The following CRADD variants were observed in gnomAD, a reference collection of about 807,000 sequenced individuals.
CRADD encodes death domain-containing protein CRADD.
A neutral mutation model predicts 15.5 loss-of-function variants in CRADD; 9 were observed. The ratio of observed to expected loss-of-function variants is 0.58; its 90% CI spans 0.35 to 1.01. The LOEUF (loss-of-function observed/expected upper bound fraction) is 1.01, where lower values mean the gene tolerates loss of function less well. Among genes scored for constraint, CRADD ranks in the 50% least tolerant of loss-of-function variants. CRADD has a pLI of 0.02. For synonymous variants in CRADD, 118 were observed against 107.6 expected (o/e 1.10, Z -0.60); for missense variants, 227 against 250.3 (o/e 0.91, Z 0.63).
chr12:93,727,016 T>C (rs1956380063), intron 2 of CRADD, among the ~76,000 whole-genome samples: 1 of 152,254 alleles, frequency 6.6e-6, no homozygotes, highest in African/African-American at 2.4e-5. Context: ...TTTTATTTTA[T>C]GATTGCATCT....
At chr12:93,699,289 G>C (rs1048148567) in intron 2 of CRADD, among the ~76,000 whole-genome samples, 7 of 152,152 alleles carry the variant, frequency 4.6e-5, no homozygotes, top group African/African-American at 1.7e-4. Context: ...TGTCATACCA[G>C]GGCCATTGAA....
intron 2 of CRADD, among the ~76,000 whole-genome samples, chr12:93,700,705 C>T (rs1955824992): frequency 6.6e-6 from 1 of 152,212 alleles, no homozygotes; most frequent in African/African-American, 2.4e-5. Context: ...GCTTGGATTA[C>T]AGGTGTGAGC....
intron 2 of CRADD, among the ~76,000 whole-genome samples, chr12:93,774,543 G>A (rs1957121451): frequency 6.6e-6 from 1 of 152,172 alleles, no homozygotes; most frequent in African/African-American, 2.4e-5. Flanking sequence ...CTTTTGGAAT[G>A]TGAAGATGGG....
chr12:93,687,035 G>T (rs1017136845), intron 2 of CRADD, among the ~76,000 whole-genome samples: 3 of 152,012 alleles, frequency 2.0e-5, no homozygotes, highest in Non-Finnish European at 4.4e-5. Flanking sequence ...AAAAGGAAAT[G>T]ATGATCGTTC....
At chr12:93,794,181 C>T (rs1957385203) in intron 2 of CRADD, among the ~76,000 whole-genome samples, 1 of 152,112 alleles carries the variant, frequency 6.6e-6, no homozygotes, top group Non-Finnish European at 1.5e-5. Flanking sequence ...AACAGCTGAC[C>T]TCTAGCTGTT....
chr12:93,820,025 A>G (rs568029086), intron 2 of CRADD, among the ~76,000 whole-genome samples: 1 of 152,274 alleles, frequency 6.6e-6, no homozygotes, highest in South Asian at 2.1e-4. Flanking sequence ...CTCCTCCTTC[A>G]GTCTTTTCCA....
At chr12:93,789,879 G>A (rs903785891) in intron 2 of CRADD, among the ~76,000 whole-genome samples, 9 of 152,166 alleles carry the variant, frequency 5.9e-5, no homozygotes, top group African/African-American at 2.2e-4. Context: ...CACAGTCTAA[G>A]TTATTCTCTG....
chr12:93,852,855 G>A (rs1958240098), downstream of CRADD, among the ~76,000 whole-genome samples: 1 of 151,974 alleles, frequency 6.6e-6, no homozygotes, highest in South Asian at 2.1e-4. Context: ...GTGTGTGTGT[G>A]TGTGTGTGTG....
chr12:93,790,340 T>G (rs1333827330), intron 2 of CRADD, among the ~76,000 whole-genome samples: 1 of 152,062 alleles, frequency 6.6e-6, no homozygotes, highest in Non-Finnish European at 1.5e-5. Context: ...AGGGATAGCT[T>G]TAGGAAATAT....
chr12:93,685,127 A>G (rs903261339), intron 2 of CRADD, among the ~76,000 whole-genome samples: 3 of 152,252 alleles, frequency 2.0e-5, no homozygotes, highest in African/African-American at 7.2e-5. Flanking sequence ...TGTGGGCAAC[A>G]GTATTTAGCT....
intron 2 of CRADD, among the ~76,000 whole-genome samples, chr12:93,846,752 C>T (rs1334140309): frequency 6.6e-6 from 1 of 152,060 alleles, no homozygotes; most frequent in Non-Finnish European, 1.5e-5. Context: ...AAGAATGCAA[C>T]CATGTGACCC....
intron 2 of CRADD, among the ~76,000 whole-genome samples, chr12:93,704,876 C>T (rs556082688): frequency 3.3e-5 from 5 of 152,288 alleles, no homozygotes; most frequent in South Asian, 2.1e-4. Flanking sequence ...CCAGCCTAGC[C>T]GTTCTCTGTG....
rs1958579765 is a variant in CRADD at position 93,892,063 on chromosome 12, A to T, written c.299-1987A>T. Among the ~76,000 whole-genome samples the T allele has an allele frequency of 2.0e-5, 3 of 152,232 alleles. No individual in the cohort carries two copies. The South Asian group carries it at 6.2e-4, about 32-fold the overall frequency. On this transcript the variant is annotated intron_variant, in intron 2 of 2. Coordinates refer to the CRADD transcript ENST00000548483. ...AGGTGAGTATTAAGCCCACTTTGCA[A>T]AGGAGAACAGAGCTCAGAGAGGTGG...
chr12:93,864,305 C>T (rs951953405), intron 2 of CRADD, among the ~76,000 whole-genome samples: 5 of 152,160 alleles, frequency 3.3e-5, no homozygotes, highest in African/African-American at 9.7e-5. Flanking sequence ...CCTCCATCCT[C>T]AGCCTCCTGA....
intron 2 of CRADD, among the ~76,000 whole-genome samples, chr12:93,826,297 A>G (rs1458468210): frequency 6.6e-6 from 1 of 152,264 alleles, no homozygotes; most frequent in Non-Finnish European, 1.5e-5. Context: ...AGGGAAGAGT[A>G]TGTGAGATTA....
At chr12:93,725,107 G>GCCCA in intron 2 of CRADD, among the ~76,000 whole-genome samples, 1 of 152,228 alleles carries the variant, frequency 6.6e-6, no homozygotes, top group East Asian at 1.9e-4. Flanking sequence ...TGATTCGCCT[G>GCCCA]CCTTGGCCTC....
intron 2 of CRADD, among the ~76,000 whole-genome samples, chr12:93,764,981 A>G (rs532844400): frequency 6.6e-6 from 1 of 151,908 alleles, no homozygotes; most frequent in East Asian, 1.9e-4. Flanking sequence ...GAGATAATTA[A>G]ATTTCTCCAA....
chr12:93,814,363 C>A (rs574571022), intron 2 of CRADD, among the ~76,000 whole-genome samples: 21 of 152,076 alleles, frequency 1.4e-4, no homozygotes, highest in Admixed American at 9.8e-4. Context: ...TCTGTTCATG[C>A]GAGTTTTGAA....
At chr12:93,708,552 G>A (rs1955998825) in intron 2 of CRADD, 1 of 152,210 alleles carries the variant, frequency 6.6e-6, no homozygotes, top group Admixed American at 6.5e-5. Context: ...TATTCCCATA[G>A]TTTGCTTTCT....
Sources: allele counts gnomAD v4.1 joint callset (sites outside exome capture counted in the v4.1 genomes callset), GRCh38; gene constraint gnomAD v4.1.1; transcripts MANE v1.5; gene names NCBI Gene and HGNC (gene_info 2026-07-23, HGNC 2026-07-21).